LEKR1: variants seen among roughly 807,000 people sequenced by gnomAD.
The protein encoded by LEKR1 is leucine, glutamate and lysine rich 1, also known as protein LEKR1.
Under a neutral mutation model 72.4 loss-of-function variants are expected in LEKR1, and 59 were observed. The observed-to-expected ratio is 0.82, with a 90% CI of 0.66 to 1.01. The LOEUF (loss-of-function observed/expected upper bound fraction) is 1.01. LEKR1 is among the 50% of genes least tolerant of loss of function. The pLI is 0.00. For missense variants in LEKR1, 728 were observed against 759.2 expected (o/e 0.96, Z 0.48); for synonymous variants, 257 against 263.2 (o/e 0.98, Z 0.23).
At chr3:156,911,934 T>C (rs1396361590) in intron 3 of LEKR1, among the ~76,000 whole-genome samples, 1 of 152,132 alleles carries the variant, frequency 6.6e-6, no homozygotes, top group Non-Finnish European at 1.5e-5. Context: ...AGTCAGATAA[T>C]GTGATGCCTT....
chr3:156,864,151 T>C (rs1717063035), intron 3 of LEKR1, among the ~76,000 whole-genome samples: 1 of 152,076 alleles, frequency 6.6e-6, no homozygotes, highest in African/African-American at 2.4e-5. Context: ...ATCAGTTTCA[T>C]TGCGTCCTGA....
intron 3 of LEKR1, among the ~76,000 whole-genome samples, chr3:156,856,466 C>T (rs923724483): frequency 1.2e-4 from 18 of 152,074 alleles, no homozygotes; most frequent in Non-Finnish European, 2.1e-4. Context: ...TCAGCTTTTC[C>T]GATTCCATAA....
At position 156,932,726 on chromosome 3, in the gene LEKR1, G is replaced by A. The variant is rs529491656; in HGVS notation, c.559+5122G>A. 9.2e-3 allele frequency among the ~76,000 whole-genome samples: 1,197 copies of A among 129,934 alleles called. 21 individuals are homozygous for A. The highest frequency in any genetic ancestry group is 0.031 in the African/African-American group (1,146 of 36,848). 85.2% of individuals were successfully genotyped at this position (129,934 alleles called of 152,430 possible). On this transcript the variant is annotated intron_variant, in intron 5 of 12. Coordinates refer to ENST00000356539, the MANE Select transcript of LEKR1 (RefSeq NM_001004316.3). ...GTCTCAAAAAAAAAAAAAAAAAAGG[G>A]TATCTATGTTATTAAATGGAGCAGC...
chr3:156,883,178 A>AAAG (rs1560050274), intron 3 of LEKR1, among the ~76,000 whole-genome samples: 1 of 151,996 alleles, frequency 6.6e-6, no homozygotes, highest in African/African-American at 2.4e-5. Flanking sequence ...AAGAAAGAAA[A>AAAG]AAAAAGATTT....
At position 157,045,362 on chromosome 3, in the gene LEKR1, T is replaced by C; in HGVS notation, c.1691T>C (p.Val564Ala). 6.2e-7 allele frequency: 1 copy of C among 1,613,764 alleles called. No homozygotes were observed. The highest frequency in any genetic ancestry group is 8.5e-7 in the Non-Finnish European group (1 of 1,179,738). ...CAGAATACTTTTCTTCAGGAGACAG[T>C]GCGTAGAGAATGTGAAGAACGCTTT... ...QEENTFLQET[V>A]RRECEERFEL... The change falls in exon 13 of 13, where the codon GTG becomes GCG. Residue 564 changes from valine to alanine, a missense_variant. By Grantham distance (64) the Val-to-Ala change is moderately conservative. Transcript: ENST00000356539.
chr3:156,934,432 A>G (rs1725518093), intron 5 of LEKR1, among the ~76,000 whole-genome samples: 1 of 152,166 alleles, frequency 6.6e-6, no homozygotes, highest in East Asian at 1.9e-4. Flanking sequence ...TAACGCTTAC[A>G]TATTCTGTAA....
chr3:156,977,674 G>T, intron 6 of LEKR1: 1 of 249,928 alleles, frequency 4.0e-6, no homozygotes, highest in Non-Finnish European at 8.5e-6. Flanking sequence ...AAATGTACAT[G>T]GGATGGATGC....
chr3:156,863,211 A>G (rs1329144369), intron 3 of LEKR1, among the ~76,000 whole-genome samples: 1 of 152,052 alleles, frequency 6.6e-6, no homozygotes, highest in Non-Finnish European at 1.5e-5. Flanking sequence ...AATTCAGTAG[A>G]GTAATTAGGC....
At chr3:156,873,935 T>C (rs1280612334) in intron 3 of LEKR1, among the ~76,000 whole-genome samples, 1 of 152,112 alleles carries the variant, frequency 6.6e-6, no homozygotes, top group African/African-American at 2.4e-5. Flanking sequence ...AATATTCTCT[T>C]AGTCTTTGAC....
At chr3:156,847,939 T>C (rs1362632615) in intron 2 of LEKR1, among the ~76,000 whole-genome samples, 1 of 152,232 alleles carries the variant, frequency 6.6e-6, no homozygotes, top group Non-Finnish European at 1.5e-5. Flanking sequence ...TTCTAATAGC[T>C]TTCACAATGT....
chr3:157,021,012 C>T (rs1733792709), intron 10 of LEKR1, among the ~76,000 whole-genome samples: 2 of 151,756 alleles, frequency 1.3e-5, no homozygotes. Flanking sequence ...TTTTGATTTG[C>T]ATTTCTCTGA....
At chr3:156,961,159 A>G (rs1728095589) in intron 6 of LEKR1, among the ~76,000 whole-genome samples, 1 of 152,218 alleles carries the variant, frequency 6.6e-6, no homozygotes, top group African/African-American at 2.4e-5. Context: ...AAAACTTTTG[A>G]CTTTTTAATT....
chr3:156,955,810 T>TTTTTTG (rs528049047), intron 6 of LEKR1, among the ~76,000 whole-genome samples: 1 of 151,692 alleles, frequency 6.6e-6, no homozygotes, highest in East Asian at 1.9e-4. Flanking sequence ...AAGTTTTCTT[T>TTTTTTG]TTGTTGTTGT....
chr3:156,962,058 G>T (rs1254164231), intron 6 of LEKR1, among the ~76,000 whole-genome samples: 1 of 152,322 alleles, frequency 6.6e-6, no homozygotes, highest in Admixed American at 6.5e-5. Context: ...GCCCTGATTA[G>T]CTGTAACAGT....
rs749352454 is a variant in LEKR1 at position 156,852,752 on chromosome 3, A to G, written c.49-16A>G. The G allele has an allele frequency of 7.8e-6, 11 of 1,407,196 alleles. No homozygotes were observed. Among genetic ancestry groups the G allele is most frequent in the Non-Finnish European group, 1.0e-5 (11 of 1,049,080 alleles). The allele number at this position is 1,407,196 out of a possible 1,614,324, so 87.2% of individuals were successfully genotyped here. On this transcript the variant is annotated splice_polypyrimidine_tract_variant and intron_variant, in intron 2 of 12. Coordinates refer to ENST00000356539, the MANE Select transcript of LEKR1 (RefSeq NM_001004316.3). ...AGAATTAAAAAAATTTGGTAAGTGT[A>G]TGTTCTGTTTCCTAGATGTTGCCTG...
At chr3:156,990,265 T>C (rs10936046) in intron 7 of LEKR1, among the ~76,000 whole-genome samples, 13,665 of 152,186 alleles carry the variant, frequency 0.09, 694 homozygotes, top group African/African-American at 0.12. Flanking sequence ...GGGTGATGTG[T>C]CCTCAGGGCA....
chr3:156,867,579 T>G (rs767817563), intron 3 of LEKR1, among the ~76,000 whole-genome samples: 33 of 152,030 alleles, frequency 2.2e-4, no homozygotes, highest in Non-Finnish European at 4.4e-4. Flanking sequence ...TACTTCAAGA[T>G]TCTTCTTTTT....
intron 2 of LEKR1, among the ~76,000 whole-genome samples, chr3:156,836,762 A>G (rs1449997953): frequency 1.3e-5 from 2 of 152,238 alleles, no homozygotes; most frequent in Non-Finnish European, 2.9e-5. Flanking sequence ...AATTCAAGAC[A>G]GGAAATCAGA....
At chr3:157,038,014 A>G (rs1457094371) in intron 12 of LEKR1, among the ~76,000 whole-genome samples, 2 of 152,212 alleles carry the variant, frequency 1.3e-5, no homozygotes, top group African/African-American at 2.4e-5. Context: ...TTCGTAGGCT[A>G]TGATAAGGTC....
Sources: allele counts gnomAD v4.1 joint callset (sites outside exome capture counted in the v4.1 genomes callset), GRCh38; gene constraint gnomAD v4.1.1; transcripts MANE v1.5; gene names NCBI Gene and HGNC (gene_info 2026-07-23, HGNC 2026-07-21).